GNA12: variants seen among roughly 807,000 people sequenced by gnomAD.
The protein encoded by GNA12 is G protein subunit alpha 12, also known as guanine nucleotide-binding protein subunit alpha-12.
Under a neutral mutation model 26.0 loss-of-function variants are expected in GNA12, and 9 were observed. The ratio of observed to expected loss-of-function variants is 0.35; its 90% CI spans 0.21 to 0.60. The LOEUF (loss-of-function observed/expected upper bound fraction) is 0.60. Ranked by LOEUF, GNA12 falls within the 20% of genes least tolerant of loss-of-function variation. The pLI is 0.78. For missense variants in GNA12, 405 were observed against 525.8 expected, an observed-to-expected ratio of 0.77 and a Z score of 2.25; for synonymous variants, 264 against 219.6, an observed-to-expected ratio of 1.20 and a Z score of -1.79.
intron 2 of GNA12, among the ~76,000 whole-genome samples, chr7:2,736,553 C>T (rs542340623): frequency 6.6e-6 from 1 of 152,286 alleles, no homozygotes; most frequent in East Asian, 1.9e-4. Context: ...TTTCAAGCAG[C>T]AGCAGCAGGT....
chr7:2,783,015 A>C (rs1285943597), intron 2 of GNA12, among the ~76,000 whole-genome samples: 1 of 152,148 alleles, frequency 6.6e-6, no homozygotes, highest in African/African-American at 2.4e-5. Flanking sequence ...CAGTTTTCTA[A>C]CTTTTATCTT....
chr7:2,762,692 C>A, intron 2 of GNA12: 1 of 1,579,678 alleles, frequency 6.3e-7, no homozygotes, highest in Non-Finnish European at 8.6e-7. Context: ...AACCACGCTG[C>A]CCGGGTGGAG....
chr7:2,784,339 T>G (rs1792307550), intron 2 of GNA12, among the ~76,000 whole-genome samples: 1 of 152,138 alleles, frequency 6.6e-6, no homozygotes, highest in Admixed American at 6.6e-5. Flanking sequence ...AGGCTGGTCT[T>G]GAACTCTGGA....
chr7:2,737,264 G>GTTTTTTTTTTTTTTTTTTTT lies in GNA12; in HGVS notation c.526-3764_526-3763insAAAAAAAAAAAAAAAAAAAA, dbSNP rs201866976. Among the ~76,000 whole-genome samples, 2 of 52,452 alleles carry GTTTTTTTTTTTTTTTTTTTT rather than the reference G, an allele frequency of 3.8e-5. 1 individual carries two copies. 34.4% of individuals were successfully genotyped at this position (52,452 alleles called of 152,430 possible). A position where few individuals can be genotyped will look rare whatever the true frequency, so the allele number is the denominator to read the frequency against. ...CTGCCCATTCAGGAGCTATCTCACA[G>GTTTTTTTTTTTTTTTTTTTT]TTTTGTTTTGTTTTTTTTTTTTTTG... On this transcript the variant is annotated intron_variant, in intron 2 of 3. Coordinates refer to ENST00000275364, the MANE Select transcript of GNA12 (RefSeq NM_007353.3).
In GNA12 at chr7:2,756,877, T is replaced by TG. The variant is rs142614606; in HGVS notation, c.526-23377dup. On this transcript the variant is annotated intron_variant, in intron 2 of 3. Transcript: ENST00000275364. ...CCCTTGAGCCCAGGCCATTTGAGGT[T>TG]GGTCTGGGTAACACAGTGAGACCTC... is the stretch of plus-strand genomic sequence containing the variant. Among the ~76,000 whole-genome samples the TG allele has an allele frequency of 5.3e-3, 812 of 152,062 alleles. 7 individuals are homozygous for TG. The highest frequency in any genetic ancestry group is 0.018 in the African/African-American group (767 of 41,478).
chr7:2,843,707 G>GGGGC (rs1779075196), intron 1 of GNA12, 146 bp downstream of exon 1: 1 of 431,434 alleles, frequency 2.3e-6, no homozygotes, highest in African/African-American at 2.1e-5. Context: ...AATGGGTCGG[G>GGGGC]GGGGAGTGGG....
chr7:2,736,646 C>T (rs530027121), intron 2 of GNA12, among the ~76,000 whole-genome samples: 1 of 152,234 alleles, frequency 6.6e-6, no homozygotes, highest in Admixed American at 6.5e-5. Flanking sequence ...GGCCGACACA[C>T]GCCCATGAGG....
At chr7:2,738,222 C>T (rs1790307154) in intron 2 of GNA12, among the ~76,000 whole-genome samples, 1 of 151,972 alleles carries the variant, frequency 6.6e-6, no homozygotes, top group South Asian at 2.1e-4. Context: ...CGAGACAAGC[C>T]TGGCCAACAT....
chr7:2,729,477 C>G lies in GNA12; in HGVS notation c.*1704G>C, dbSNP rs1789775167. 1 of 152,602 alleles carries G rather than the reference C, an allele frequency of 6.6e-6. No individual in the cohort carries two copies. Among genetic ancestry groups the G allele is most frequent in the Middle Eastern group, 3.4e-3 (1 of 298 alleles). The allele number at this position is 152,602 out of a possible 1,614,324, so 9.5% of individuals were successfully genotyped here. A position where few individuals can be genotyped will look rare whatever the true frequency, so the allele number is the denominator to read the frequency against. On this transcript the variant is annotated 3_prime_UTR_variant, in exon 4 of 4. Transcript: ENST00000275364. ...GAGCCACAAGCCCAGCAAACACTGA[C>G]ACACAGCCTCGAGCACTGCGAGAGA...
At chr7:2,758,826 G>A (rs1772236420) in intron 2 of GNA12, among the ~76,000 whole-genome samples, 4 of 152,292 alleles carry the variant, frequency 2.6e-5, no homozygotes, top group Admixed American at 2.0e-4. Context: ...ATGGATATGA[G>A]AGGGTTATCA....
intron 2 of GNA12, among the ~76,000 whole-genome samples, chr7:2,790,931 A>C (rs1301518613): frequency 6.6e-6 from 1 of 151,848 alleles, no homozygotes; most frequent in Non-Finnish European, 1.5e-5. Flanking sequence ...CTATGACCAC[A>C]CTAGTGTACT....
Position 2,828,833 on chromosome 7 carries a change from G to A in GNA12, c.309+15020C>T, listed in dbSNP as rs1360034135. Among the ~76,000 whole-genome samples the A allele has an allele frequency of 3.3e-5, 5 of 152,274 alleles. No individual in the cohort carries two copies. The East Asian group carries it at 9.7e-4, about 29-fold the overall frequency. Reference sequence around the variant, plus strand: ...CATTTTGGGAGGCCAAGGTGGGTGGGTTGCTTGAGCTCAGGAGTTTGAGAC... The same window carrying A: ...CATTTTGGGAGGCCAAGGTGGGTGGATTGCTTGAGCTCAGGAGTTTGAGAC... On this transcript the variant is annotated intron_variant, in intron 1 of 3. Transcript: ENST00000275364.
chr7:2,731,075 G>T lies in GNA12; in HGVS notation c.*106C>A. The T allele has an allele frequency of 2.7e-6, 2 of 727,468 alleles. No individual in the cohort carries two copies. Among genetic ancestry groups the T allele is most frequent in the Non-Finnish European group, 4.6e-6 (2 of 438,696 alleles). 45.1% of individuals were successfully genotyped at this position (727,468 alleles called of 1,614,324 possible). On this transcript the variant is annotated 3_prime_UTR_variant, in exon 4 of 4. Transcript: ENST00000275364. This position sits in a 1 kb window ranked among gnomAD's most constrained non-coding sequence, Gnocchi z 6.0. ...TCCTGAGCCAGGTATTCCAGGGCACGGATCCGAGAAACCCACTCAAGGACC... is the reference window on the plus strand; with the variant it reads ...TCCTGAGCCAGGTATTCCAGGGCACTGATCCGAGAAACCCACTCAAGGACC...
rs140959200 is a variant in GNA12, at chr7:2,761,183, C to T, written c.526-27682G>A. 1.2e-4 allele frequency among the ~76,000 whole-genome samples: 19 copies of T among 152,308 alleles called. No individual in the cohort carries two copies. In the East Asian group the frequency reaches 2.1e-3, roughly 17 times the overall value. On this transcript the variant is annotated intron_variant, in intron 2 of 3. Transcript: ENST00000275364. The stretch of plus-strand genomic sequence containing the variant: ...GGCCGCCTCACCGAGCCACCGTGCA[C>T]GGCACTGCGCAAACAAGCTCCCAGC...
intron 2 of GNA12, among the ~76,000 whole-genome samples, chr7:2,751,220 CA>C (rs958951316): frequency 1.3e-5 from 2 of 151,070 alleles, no homozygotes; most frequent in South Asian, 2.1e-4. Context: ...CCCATCTTCT[CA>C]AAAAAAACCC....
chr7:2,801,401 A>T (rs1036822506), intron 1 of GNA12, among the ~76,000 whole-genome samples: 1 of 152,186 alleles, frequency 6.6e-6, no homozygotes, highest in Non-Finnish European at 1.5e-5. Context: ...ACTTACGAAG[A>T]CTGCAGGACT....
At chr7:2,766,542 T>C (rs562596165) in intron 2 of GNA12, among the ~76,000 whole-genome samples, 8 of 152,070 alleles carry the variant, frequency 5.3e-5, no homozygotes, top group South Asian at 2.1e-4. Context: ...CCCACCACCA[T>C]GCCCAGCTAA....
chr7:2,768,538 G>C (rs1289114749), intron 2 of GNA12, among the ~76,000 whole-genome samples: 1 of 152,010 alleles, frequency 6.6e-6, no homozygotes. Flanking sequence ...TAACACTCAG[G>C]AAAACAAAGG....
intron 2 of GNA12, among the ~76,000 whole-genome samples, chr7:2,737,264 GTTTTGTTTTGTTTTTTTTTT>G (rs1410235004): frequency 5.7e-5 from 3 of 52,490 alleles, no homozygotes; most frequent in South Asian, 1.4e-3. Context: ...CTATCTCACA[GTTTTGTTTTGTTTTTTTTTT>G]TTTTGTTTTT....
Sources: allele counts gnomAD v4.1 joint callset (sites outside exome capture counted in the v4.1 genomes callset), GRCh38; gene constraint gnomAD v4.1.1; non-coding constraint Gnocchi (gnomAD v3.1); transcripts MANE v1.5; gene names NCBI Gene and HGNC (gene_info 2026-07-23, HGNC 2026-07-21).